Variants in VPS25 observed in about 807,000 individuals in gnomAD.
VPS25 encodes vacuolar protein sorting 25 homolog.
A neutral mutation model predicts 30.3 loss-of-function variants in VPS25; 21 were observed. The ratio of observed to expected loss-of-function variants is 0.69; its 90% CI spans 0.49 to 1.00. VPS25 has a LOEUF of 1.00. Among genes scored for constraint, VPS25 ranks in the 50% least tolerant of loss-of-function variants. The pLI, the probability that VPS25 is intolerant of heterozygous loss-of-function variation, is 0.00. For missense variants in VPS25, 156 were observed against 217.2 expected (o/e 0.72, Z 1.77); for synonymous variants, 101 against 88.1 (o/e 1.15, Z -0.82).
rs1488777943 is a variant in VPS25, at chr17:42,775,468, G to A, written c.341G>A (p.Trp114Ter). 1 of 1,611,646 alleles carries A rather than the reference G, an allele frequency of 6.2e-7. No homozygotes were observed. Among genetic ancestry groups the A allele is most frequent in the South Asian group, 1.1e-5 (1 of 90,994 alleles). ...GAATGGGGGAAACTCATCTATCAGT[G>A]GGTGAGATCATTATTCTGCCAAGTA... The part of the protein sequence containing the change: ...PEEWGKLIYQ[W>*]VSRSGQNNSV... Residue 114 changes from tryptophan (W) to a stop codon, truncating the protein, a stop_gained and splice_region_variant, in exon 4 of 6, where the codon TGG (tryptophan) becomes TAG (stop). Coordinates refer to ENST00000253794, the MANE Select transcript of VPS25 (RefSeq NM_032353.4). LOFTEE classifies it high-confidence loss of function.
chr17:42,778,158 A>G (rs879578677), intron 5 of VPS25, among the ~76,000 whole-genome samples: 2 of 150,790 alleles, frequency 1.3e-5, no homozygotes, highest in Non-Finnish European at 2.9e-5. Flanking sequence ...ATATCTCCAC[A>G]TACTCAGCTA....
chr17:42,777,759 G>A (rs2054444191), intron 5 of VPS25, among the ~76,000 whole-genome samples: 1 of 152,140 alleles, frequency 6.6e-6, no homozygotes, highest in African/African-American at 2.4e-5. Context: ...GCAAGGATTT[G>A]TATAGTGTTT....
At chr17:42,773,955 C>T in intron 2 of VPS25, 77 bp downstream of exon 2, 1 of 1,512,584 alleles carries the variant, frequency 6.6e-7, no homozygotes, top group Non-Finnish European at 8.9e-7. Context: ...CGCCCCCCCG[C>T]GCCAGCCCCC....
chr17:42,778,887 G>A (rs778946245), intron 5 of VPS25, 70 bp from the exon 6 acceptor site: 6 of 1,482,264 alleles, frequency 4.0e-6, no homozygotes, highest in Non-Finnish European at 5.6e-6. Flanking sequence ...TCGGCTTCCA[G>A]CCAGAGCACT....
intron 4 of VPS25, among the ~76,000 whole-genome samples, chr17:42,775,682 G>A (rs568170076): frequency 4.6e-5 from 7 of 152,142 alleles, no homozygotes; most frequent in Non-Finnish European, 7.4e-5. Context: ...GTAGGAGGCC[G>A]GGGGCTATGT....
In VPS25 at chr17:42,775,205, C is replaced by A. The variant is rs2054429569; in HGVS notation, c.254-176C>A. Reference sequence around the variant, plus strand: ...ACCTCAGGCATGTGTCACCACACACCTGGCTAATTTTTTGTATTTTCTATA... The same window carrying A: ...ACCTCAGGCATGTGTCACCACACACATGGCTAATTTTTTGTATTTTCTATA... On this transcript the variant is annotated intron_variant, in intron 3 of 5. Transcript: ENST00000253794. The A allele has an allele frequency of 5.3e-6, 3 of 560,962 alleles. No individual in the cohort carries two copies. The African/African-American group carries it at 5.7e-5, about 11-fold the overall frequency. 34.7% of individuals were successfully genotyped at this position (560,962 alleles called of 1,614,324 possible). A position where few individuals can be genotyped will look rare whatever the true frequency, so the allele number is the denominator to read the frequency against.
At chr17:42,773,949 C>T (rs750309051) in intron 2 of VPS25, 71 bp downstream of exon 2, 5 of 1,528,642 alleles carry the variant, frequency 3.3e-6, no homozygotes, top group Non-Finnish European at 4.4e-6. Context: ...CCCAGACGCC[C>T]CCCCGCGCCA....
At chr17:42,776,368 G>C (rs1286833841) in intron 5 of VPS25, 48 bp downstream of exon 5, 1 of 1,584,610 alleles carries the variant, frequency 6.3e-7, no homozygotes, top group Non-Finnish European at 8.6e-7. Flanking sequence ...GTTTTGTTTT[G>C]TTTTGTTTTT....
In VPS25 at chr17:42,775,308, C is replaced by T. The variant is rs1047824237; in HGVS notation, c.254-73C>T. The stretch of plus-strand genomic sequence containing the variant: ...TTTCGAACTCCTGGGCTCAAGCAGT[C>T]CTCCCGCCTTGGCCTCCCAAAGTGT... On this transcript the variant is annotated intron_variant, in intron 3 of 5. Transcript: ENST00000253794. 12 of 1,205,194 alleles carry T rather than the reference C, an allele frequency of 1.0e-5. No individual in the cohort carries two copies. The Admixed American group carries it at 1.2e-4, about 12-fold the overall frequency. The allele number at this position is 1,205,194 out of a possible 1,614,324, so 74.7% of individuals were successfully genotyped here.
At chr17:42,773,554 C>G in intron 1 of VPS25, 26 bp downstream of exon 1, 1 of 1,614,156 alleles carries the variant, frequency 6.2e-7, no homozygotes, top group Non-Finnish European at 8.5e-7. Context: ...CAAGAAGCAC[C>G]GCTGTGCCTC....
chr17:42,777,408 G>C (rs369965133), intron 5 of VPS25, among the ~76,000 whole-genome samples: 1 of 152,188 alleles, frequency 6.6e-6, no homozygotes, highest in African/African-American at 2.4e-5. Context: ...TGAGCTACTT[G>C]GGAGGCTGCA....
Position 42,773,896 on chromosome 17 carries a change from C to T in VPS25, c.199+18C>T, listed in dbSNP as rs1179244393. 1 of 1,608,646 alleles carries T rather than the reference C, an allele frequency of 6.2e-7. No homozygotes were observed. ...GCTACAGCGTATCCTCCCTCAGGCT[C>T]TTCCACAGCCCATACACATGCACTT... On this transcript the variant is annotated intron_variant, in intron 2 of 5. Transcript: ENST00000253794.
Sources: gnomAD v4.1 joint callset for allele counts (sites outside exome capture counted in the v4.1 genomes callset) on GRCh38, gnomAD v4.1.1 for gene constraint, MANE v1.5 for transcripts, NCBI Gene and HGNC (gene_info 2026-07-23, HGNC 2026-07-21) for gene names.